CNTLN: variants seen among roughly 807,000 people sequenced by gnomAD.
CNTLN encodes centlein.
CNTLN carries 212 observed loss-of-function variants against 180.0 expected under a neutral mutation model. The observed-to-expected ratio is 1.18, with a 90% CI of 1.05 to 1.32. The LOEUF is 1.32. Ranked by LOEUF, CNTLN falls within the 40% of genes most tolerant of loss-of-function variation. The probability of loss-of-function intolerance (pLI) is 0.00; values close to 1 mark genes in which losing one functional copy is unlikely to be tolerated. For missense variants in CNTLN, 2,095 were observed against 1,610.9 expected (o/e 1.30, Z -5.14); for synonymous variants, 722 against 563.1 (o/e 1.28, Z -3.99).
At chr9:17,154,273 T>C (rs1318250154) in intron 2 of CNTLN, among the ~76,000 whole-genome samples, 1 of 152,242 alleles carries the variant, frequency 6.6e-6, no homozygotes, top group Non-Finnish European at 1.5e-5. Flanking sequence ...TTGCACTGTT[T>C]TTTCCCCATC....
intron 15 of CNTLN, among the ~76,000 whole-genome samples, chr9:17,408,636 C>G (rs935944866): frequency 4.6e-5 from 7 of 151,902 alleles, no homozygotes; most frequent in African/African-American, 1.7e-4. Flanking sequence ...CCTATCTCTA[C>G]TAAAAATACA....
intron 12 of CNTLN, among the ~76,000 whole-genome samples, chr9:17,364,629 G>C (rs972658002): frequency 2.0e-5 from 3 of 152,124 alleles, no homozygotes; most frequent in Non-Finnish European, 2.9e-5. Context: ...ATTTTGGGCA[G>C]TGGGATATTT....
intron 9 of CNTLN, 65 bp downstream of exon 9, chr9:17,330,873 A>G: frequency 7.0e-7 from 1 of 1,422,610 alleles, no homozygotes; most frequent in Non-Finnish European, 9.6e-7. Flanking sequence ...AGATGAAGTT[A>G]AAAAACAAAT....
intron 16 of CNTLN, among the ~76,000 whole-genome samples, chr9:17,412,888 C>T (rs1423599404): frequency 6.6e-6 from 1 of 152,042 alleles, no homozygotes; most frequent in Non-Finnish European, 1.5e-5. Flanking sequence ...AGACCTAAAA[C>T]AAAAGCAATA....
intron 21 of CNTLN, among the ~76,000 whole-genome samples, chr9:17,465,220 T>A (rs1312644150): frequency 2.0e-5 from 3 of 150,400 alleles, no homozygotes; most frequent in Non-Finnish European, 4.5e-5. Flanking sequence ...GAACATCTCC[T>A]TTACTTTCCT....
At chr9:17,225,609 T>C (rs1824415298) in intron 2 of CNTLN, among the ~76,000 whole-genome samples, 1 of 151,972 alleles carries the variant, frequency 6.6e-6, no homozygotes, top group Non-Finnish European at 1.5e-5. Context: ...CTCCTTTGCT[T>C]TATAAAGCTA....
At chr9:17,437,549 A>G (rs550930670) in intron 18 of CNTLN, among the ~76,000 whole-genome samples, 19 of 152,344 alleles carry the variant, frequency 1.2e-4, no homozygotes, top group Admixed American at 1.2e-3. Context: ...GAAAAATTGT[A>G]GCATATTTAT....
intron 5 of CNTLN, among the ~76,000 whole-genome samples, chr9:17,253,886 C>G (rs1197153190): frequency 6.6e-6 from 1 of 150,950 alleles, no homozygotes; most frequent in Non-Finnish European, 1.5e-5. Flanking sequence ...TAATTTTTCC[C>G]CATTTAATAG....
intron 13 of CNTLN, among the ~76,000 whole-genome samples, chr9:17,380,029 C>T (rs551361086): frequency 6.6e-6 from 1 of 152,128 alleles, no homozygotes; most frequent in African/African-American, 2.4e-5. Flanking sequence ...AATAGCTGCT[C>T]GAAGAGAACA....
intron 18 of CNTLN, among the ~76,000 whole-genome samples, chr9:17,443,657 T>C (rs1363400262): frequency 6.6e-6 from 1 of 152,194 alleles, no homozygotes; most frequent in Non-Finnish European, 1.5e-5. Flanking sequence ...GGTTAACACA[T>C]GGGCATTCAT....
At chr9:17,151,121 A>G (rs1310319184) in intron 2 of CNTLN, among the ~76,000 whole-genome samples, 3 of 152,226 alleles carry the variant, frequency 2.0e-5, no homozygotes, top group Non-Finnish European at 2.9e-5. Flanking sequence ...CTCTCTTCCT[A>G]TTTGGATACC....
Position 17,177,473 on chromosome 9 carries a change from G to A in CNTLN, c.449+34097G>A, listed in dbSNP as rs560420310. 1.5e-4 allele frequency among the ~76,000 whole-genome samples: 23 copies of A among 152,218 alleles called. 1 individual carries two copies. In the South Asian group the frequency reaches 4.1e-3, roughly 27 times the overall value. ...TGTGTCCGGAATTGGTGGGTTCTTC[G>A]TCTCACTGACTTCAACAAAGAAGCT... On this transcript the variant is annotated intron_variant, in intron 2 of 25. Coordinates refer to ENST00000380647, the MANE Select transcript of CNTLN (RefSeq NM_017738.4).
rs116646895 is a variant in CNTLN, at chr9:17,411,861, C to T, written c.2796+2388C>T. Among the ~76,000 whole-genome samples the T allele has an allele frequency of 7.3e-3, 1,116 of 152,166 alleles. 12 individuals are homozygous for T. The highest frequency in any genetic ancestry group is 0.025 in the African/African-American group (1,022 of 41,510). On this transcript the variant is annotated intron_variant, in intron 16 of 25. Transcript: ENST00000380647. ...TTTTGGTGCCAAAAAGGTTAAGAACCGGTGACTCCCTCCTTTCCATGTCAT... is the reference window on the plus strand; with the variant it reads ...TTTTGGTGCCAAAAAGGTTAAGAACTGGTGACTCCCTCCTTTCCATGTCAT...
chr9:17,348,111 A>C (rs573721311), intron 12 of CNTLN, among the ~76,000 whole-genome samples: 1 of 152,208 alleles, frequency 6.6e-6, no homozygotes, highest in South Asian at 2.1e-4. Flanking sequence ...GATTGCAGGC[A>C]TGAGCCACTG....
intron 13 of CNTLN, among the ~76,000 whole-genome samples, chr9:17,378,633 GT>G (rs1332291093): frequency 6.6e-6 from 1 of 151,972 alleles, no homozygotes; most frequent in East Asian, 1.9e-4. Flanking sequence ...TTAAATTCAG[GT>G]TTTTGGTAAG....
chr9:17,312,897 A>G (rs1360347616), intron 8 of CNTLN, among the ~76,000 whole-genome samples: 1 of 152,122 alleles, frequency 6.6e-6, no homozygotes, highest in Non-Finnish European at 1.5e-5. Context: ...TAGTTTTTCT[A>G]TCAATTGCTT....
intron 7 of CNTLN, among the ~76,000 whole-genome samples, chr9:17,307,193 C>G (rs754666726): frequency 2.0e-5 from 3 of 152,112 alleles, no homozygotes; most frequent in Non-Finnish European, 2.9e-5. Context: ...GCAATACTTT[C>G]TTTTAAAAGA....
intron 20 of CNTLN, 50 bp downstream of exon 20, chr9:17,463,063 A>C: frequency 5.6e-6 from 6 of 1,063,068 alleles, no homozygotes; most frequent in Non-Finnish European, 7.0e-6. Flanking sequence ...CCTAGTGGCA[A>C]CCAGCTCTAT....
chr9:17,292,546 A>G (rs183828563), intron 6 of CNTLN, among the ~76,000 whole-genome samples: 79 of 152,140 alleles, frequency 5.2e-4, no homozygotes, highest in Admixed American at 2.8e-3. Context: ...TATTTCAGCA[A>G]GATAGGCTTT....
Sources: allele counts gnomAD v4.1 joint callset (sites outside exome capture counted in the v4.1 genomes callset), GRCh38; gene constraint gnomAD v4.1.1; transcripts MANE v1.5; gene names NCBI Gene and HGNC (gene_info 2026-07-23, HGNC 2026-07-21).